Variants in MOSPD1 observed in about 807,000 individuals in gnomAD.
MOSPD1 encodes the protein motile sperm domain-containing protein 1.
In MOSPD1, 5 loss-of-function variants were observed where a neutral mutation model predicts 16.7. The ratio of observed to expected loss-of-function variants is 0.30; its 90% CI spans 0.16 to 0.63. MOSPD1 has a LOEUF of 0.63. Among genes scored for constraint, MOSPD1 ranks in the 30% least tolerant of loss-of-function variants. MOSPD1 has a pLI of 0.82. For synonymous variants in MOSPD1, 67 were observed against 59.2 expected, an observed-to-expected ratio of 1.13 and a Z score of -0.61; for missense variants, 104 against 153.6, an observed-to-expected ratio of 0.68 and a Z score of 1.71.
chrX:134,887,834 T>C lies in MOSPD1; in HGVS notation c.*1327A>G, dbSNP rs2082841987. The C allele has an allele frequency of 8.9e-6, 1 of 112,936 alleles. No individual in the cohort carries two copies. Among genetic ancestry groups the C allele is most frequent in the Admixed American group, 9.4e-5 (1 of 10,685 alleles). 9.3% of individuals were successfully genotyped at this position (112,936 alleles called of 1,213,427 possible). On this transcript the variant is annotated 3_prime_UTR_variant, in exon 6 of 6. Transcript: ENST00000370783. ...TCATTCATTACACAATGTACAGACA[T>C]GATCCGTTTAATGACTTAGGCTCCT... is the stretch of plus-strand genomic sequence containing the variant.
intron 3 of MOSPD1, among the ~76,000 whole-genome samples, chrX:134,898,841 A>C (rs2082898328): frequency 8.9e-6 from 1 of 111,759 alleles, no homozygotes; most frequent in South Asian, 3.7e-4. Context: ...GGTATGACTA[A>C]AACCACAACA....
intron 1 of MOSPD1, among the ~76,000 whole-genome samples, chrX:134,901,605 C>T (rs1341151449): frequency 3.7e-5 from 4 of 108,641 alleles, no homozygotes; most frequent in Non-Finnish European, 7.6e-5. Flanking sequence ...GCCAAGATCA[C>T]ACCACTGCAC....
At chrX:134,907,026 T>C (rs920360536) in intron 1 of MOSPD1, among the ~76,000 whole-genome samples, 7 of 111,006 alleles carry the variant, frequency 6.3e-5, no homozygotes, top group African/African-American at 2.3e-4. Flanking sequence ...GTCAAGAGTT[T>C]GAGACCAGCC....
intron 5 of MOSPD1, among the ~76,000 whole-genome samples, chrX:134,889,855 G>A (rs1197030684): frequency 9.0e-6 from 1 of 110,765 alleles, no homozygotes; most frequent in Non-Finnish European, 1.9e-5. Flanking sequence ...TGGATCACAC[G>A]AGGTCAGGAG....
intron 1 of MOSPD1, among the ~76,000 whole-genome samples, chrX:134,905,254 A>C (rs1200450568): frequency 9.2e-6 from 1 of 108,467 alleles, no homozygotes; most frequent in African/African-American, 3.4e-5. Context: ...CTGTAGTCCC[A>C]GCTACTCAGG....
At position 134,900,431 on chromosome X, in the gene MOSPD1, G is replaced by C. The variant is rs138402459; in HGVS notation, c.-101-897C>G. ...AGAAACAAGCTAAAATGTCTTGAAA[G>C]GAGGCCGAATGACCACACATGCTAA... On this transcript the variant is annotated intron_variant, in intron 1 of 5. Transcript: ENST00000370783. Among the ~76,000 whole-genome samples, 1,105 of 111,782 alleles carry C rather than the reference G, an allele frequency of 9.9e-3. 23 individuals carry two copies. The highest frequency in any genetic ancestry group is 0.034 in the African/African-American group (1,059 of 30,780).
chrX:134,912,568 G>T (rs886672538), intron 1 of MOSPD1, among the ~76,000 whole-genome samples: 5 of 109,473 alleles, frequency 4.6e-5, no homozygotes, highest in African/African-American at 1.3e-4. Flanking sequence ...TTGATCTCCC[G>T]GGTTCAAGCA....
Position 134,897,387 on chromosome X carries a change from C to T in MOSPD1, c.231-353G>A, listed in dbSNP as rs183045546. ...ACCAGCCTATGCAACACAGAGACCC[C>T]GTCTCTACAAAAAAAATTAAAAATT... On this transcript the variant is annotated intron_variant, in intron 3 of 5. Transcript: ENST00000370783. Among the ~76,000 whole-genome samples the T allele has an allele frequency of 6.5e-5, 7 of 107,947 alleles. No individual in the cohort carries two copies. In the East Asian group the frequency reaches 1.7e-3, roughly 27 times the overall value. 93.7% of individuals were successfully genotyped at this position (107,947 alleles called of 115,157 possible). A position where few individuals can be genotyped will look rare whatever the true frequency, so the allele number is the denominator to read the frequency against.
chrX:134,895,710 G>C (rs781585481), intron 4 of MOSPD1, among the ~76,000 whole-genome samples: 10 of 111,899 alleles, frequency 8.9e-5, no homozygotes, highest in African/African-American at 3.2e-4. Context: ...AAGATGAAAA[G>C]CTGGTCCTGT....
intron 3 of MOSPD1, among the ~76,000 whole-genome samples, chrX:134,897,432 G>A (rs1337029201): frequency 1.9e-5 from 2 of 107,579 alleles, no homozygotes; most frequent in African/African-American, 3.4e-5. Context: ...GCTGGTGTGC[G>A]TGTAGTCCTA....
intron 1 of MOSPD1, among the ~76,000 whole-genome samples, chrX:134,910,686 G>A (rs977605634): frequency 3.6e-5 from 4 of 112,238 alleles, no homozygotes; most frequent in African/African-American, 1.3e-4. Flanking sequence ...ATTCCAGGAA[G>A]AATGTGTGTA....
chrX:134,899,040 T>C (rs373647029), intron 3 of MOSPD1, 50 bp downstream of exon 3: 25 of 924,649 alleles, frequency 2.7e-5, no homozygotes, highest in Non-Finnish European at 3.6e-5. Flanking sequence ...GTTAAAAACA[T>C]AAATATTAAC....
Position 134,888,552 on chromosome X carries a change from G to A in MOSPD1, c.*609C>T, listed in dbSNP as rs1438981518. 1 of 111,248 alleles carries A rather than the reference G, an allele frequency of 9.0e-6. No individual in the cohort carries two copies. Among genetic ancestry groups the A allele is most frequent in the African/African-American group, 3.3e-5 (1 of 30,474 alleles). 9.2% of individuals were successfully genotyped at this position (111,248 alleles called of 1,213,427 possible). A position where few individuals can be genotyped will look rare whatever the true frequency, so the allele number is the denominator to read the frequency against. On this transcript the variant is annotated 3_prime_UTR_variant, in exon 6 of 6. Transcript: ENST00000370783. Reference sequence around the variant, plus strand: ...AAAACCCCTATGATTCTTGGTGTCTGGACCACAACCTGTTCTGTAATTCAC... The same window carrying A: ...AAAACCCCTATGATTCTTGGTGTCTAGACCACAACCTGTTCTGTAATTCAC...
intron 1 of MOSPD1, among the ~76,000 whole-genome samples, chrX:134,905,082 G>A (rs186087736): frequency 9.5e-6 from 1 of 105,000 alleles, no homozygotes; most frequent in Admixed American, 1.0e-4. Flanking sequence ...AGATAAGGCC[G>A]GGCGCGGTGG....
chrX:134,899,177 A>G lies in MOSPD1; in HGVS notation c.155-12T>C. ...AGTAGTACACAAAACTGAAAGAAAA[A>G]GTCACAATGGCCATTAGTGTTTTTT... On this transcript the variant is annotated splice_polypyrimidine_tract_variant and intron_variant, in intron 2 of 5. Transcript: ENST00000370783. 8.4e-7 allele frequency: 1 copy of G among 1,189,975 alleles called. No individual in the cohort carries two copies. The highest frequency in any genetic ancestry group is 1.9e-5 in the South Asian group (1 of 53,710).
chrX:134,896,281 G>T (rs1157614472), intron 4 of MOSPD1, among the ~76,000 whole-genome samples: 1 of 111,393 alleles, frequency 9.0e-6, no homozygotes, highest in African/African-American at 3.3e-5. Flanking sequence ...GAGGGCTGGA[G>T]AGGGATTCAA....
intron 1 of MOSPD1, among the ~76,000 whole-genome samples, chrX:134,907,095 G>C (rs982985014): frequency 1.8e-5 from 2 of 111,186 alleles, no homozygotes; most frequent in Non-Finnish European, 3.8e-5. Flanking sequence ...GGGCATGGTG[G>C]TGTATGCCTG....
chrX:134,914,909 G>A (rs1293122350), intron 1 of MOSPD1, among the ~76,000 whole-genome samples: 1 of 112,486 alleles, frequency 8.9e-6, no homozygotes, highest in Non-Finnish European at 1.9e-5. Flanking sequence ...GCCCGGGCAG[G>A]AGCGAGCTAC....
intron 1 of MOSPD1, among the ~76,000 whole-genome samples, chrX:134,907,176 C>T (rs113211408): frequency 7.4e-4 from 82 of 110,623 alleles, no homozygotes; most frequent in African/African-American, 2.6e-3. Context: ...TGTATTGAGC[C>T]GAGATCGCAC....
Sources: allele counts gnomAD v4.1 joint callset (sites outside exome capture counted in the v4.1 genomes callset), GRCh38; gene constraint gnomAD v4.1.1; transcripts MANE v1.5; gene names NCBI Gene and HGNC (gene_info 2026-07-23, HGNC 2026-07-21).